Variants in PROM1 observed in about 807,000 individuals in gnomAD.
The protein encoded by PROM1 is prominin-1.
A neutral mutation model predicts 116.9 loss-of-function variants in PROM1; 105 were observed. The ratio of observed to expected loss-of-function variants is 0.90; its 90% CI spans 0.77 to 1.06. PROM1 has a LOEUF of 1.06. Ranked by LOEUF, PROM1 falls within the 50% of genes least tolerant of loss-of-function variation. PROM1 has a pLI of 0.00. For synonymous variants in PROM1, 393 were observed against 387.0 expected, an observed-to-expected ratio of 1.02 and a Z score of -0.18; for missense variants, 1,122 against 1,045.2, an observed-to-expected ratio of 1.07 and a Z score of -1.01.
At chr4:15,982,783 A>G (rs945758024) in intron 23 of PROM1, among the ~76,000 whole-genome samples, 2 of 152,228 alleles carry the variant, frequency 1.3e-5, no homozygotes, top group Admixed American at 6.5e-5. Flanking sequence ...GGGGCCACCA[A>G]GCACAGGACA....
chr4:16,033,400 T>C lies in PROM1; in HGVS notation c.413A>G (p.Lys138Arg), dbSNP rs1733202639. ...TCGCTGGTGCATTTCTCCACCACAT[T>C]TGTTACAGCAACGACACATACAAAA... ...YFFCMCRCCN[K>R]CGGEMHQRQK... Residue 138 changes from lysine (K) to arginine (R), a missense_variant, in exon 5 of 28, where the codon AAA (lysine) becomes AGA (arginine). Lys to Arg is a conservative substitution (Grantham distance 26). Transcript: ENST00000447510. 1.2e-6 allele frequency: 2 copies of C among 1,613,808 alleles called. No individual in the cohort carries two copies. Among genetic ancestry groups the C allele is most frequent in the African/African-American group, 2.7e-5 (2 of 74,972 alleles).
chr4:16,081,231 A>T (rs1356271155), intron 1 of PROM1, among the ~76,000 whole-genome samples: 1 of 151,942 alleles, frequency 6.6e-6, no homozygotes, highest in Non-Finnish European at 1.5e-5. Context: ...ACCTGACAAC[A>T]GGCCCCGGTG....
chr4:15,984,604 C>T (rs1415110555), intron 22 of PROM1, among the ~76,000 whole-genome samples: 1 of 152,124 alleles, frequency 6.6e-6, no homozygotes, highest in Non-Finnish European at 1.5e-5. Flanking sequence ...TTTACAGCTG[C>T]TCCTCATCTC....
At chr4:15,991,080 G>A (rs1303110745) in intron 18 of PROM1, 142 bp downstream of exon 18, 14 of 667,246 alleles carry the variant, frequency 2.1e-5, no homozygotes, top group South Asian at 1.6e-4. Flanking sequence ...GGACGGAAAC[G>A]TAATGACACA....
Position 16,018,532 on chromosome 4 carries a change from C to T in PROM1, c.793G>A (p.Glu265Lys). 1 of 1,606,738 alleles carries T rather than the reference C, an allele frequency of 6.2e-7. No individual in the cohort carries two copies. The highest frequency in any genetic ancestry group is 2.2e-5 in the East Asian group (1 of 44,706). Residue 265 changes from glutamate (E) to lysine (K), a missense_variant, in exon 9 of 28, where the codon GAG (glutamate) becomes AAG (lysine). Coordinates refer to ENST00000447510, the MANE Select transcript of PROM1 (RefSeq NM_006017.3). ...EIKSMATAIK[E>K]TKEALENMNS... ...ATGTTCTCCAACGCCTCTTTGGTCT[C>T]CTTGATCGCTATGGAAACACAGCCC... is the stretch of plus-strand genomic sequence containing the variant.
chr4:16,029,520 C>A (rs1264111794), intron 5 of PROM1, among the ~76,000 whole-genome samples: 1 of 152,264 alleles, frequency 6.6e-6, no homozygotes, highest in South Asian at 2.1e-4. Flanking sequence ...GTCAAACAGA[C>A]TGCATAAACA....
In PROM1 at chr4:16,018,560, T is replaced by A; in HGVS notation, c.785-20A>T. On this transcript the variant is annotated intron_variant, in intron 8 of 27. Transcript: ENST00000447510. ...TGATCGCTATGGAAACACAGCCCGC[T>A]TCAGAACACACATGCCAAGTCCCTC... 1 of 1,582,198 alleles carries A rather than the reference T, an allele frequency of 6.3e-7. No individual in the cohort carries two copies. The highest frequency in any genetic ancestry group is 8.6e-7 in the Non-Finnish European group (1 of 1,162,078).
At chr4:16,081,217 C>T (rs1016525992) in intron 1 of PROM1, among the ~76,000 whole-genome samples, 1 of 152,052 alleles carries the variant, frequency 6.6e-6, no homozygotes, top group African/African-American at 2.4e-5. Context: ...TCCCCACTCC[C>T]GCCACCTGAC....
intron 23 of PROM1, among the ~76,000 whole-genome samples, chr4:15,980,949 A>ATTTATTTATTTAT (rs1166321298): frequency 3.3e-5 from 5 of 149,422 alleles, no homozygotes; most frequent in African/African-American, 9.8e-5. Context: ...ATGAGTTGTT[A>ATTTATTTATTTAT]TTTATTTATT....
chr4:16,006,480 C>T lies in PROM1; in HGVS notation c.1454+58G>A, dbSNP rs558230244. ...CGGGTTCATGTAACACCAGAGTCAG[C>T]ACCCAGTCTCTCTCCTGCATTCCCA... is the stretch of plus-strand genomic sequence containing the variant. On this transcript the variant is annotated intron_variant, in intron 13 of 27. Transcript: ENST00000447510. 16 of 1,503,326 alleles carry T rather than the reference C, an allele frequency of 1.1e-5. No homozygotes were observed. The African/African-American group carries it at 2.2e-4, about 21-fold the overall frequency. 93.1% of individuals were successfully genotyped at this position (1,503,326 alleles called of 1,614,324 possible). A position where few individuals can be genotyped will look rare whatever the true frequency, so the allele number is the denominator to read the frequency against.
chr4:15,985,754 A>G lies in PROM1; in HGVS notation c.2280+6T>C. ...CCTTAACATTCATAAAAGATAAACT[A>G]CTTACAGAGAACTCGATCCACTGCA... On this transcript the variant is annotated splice_donor_region_variant and intron_variant, in intron 22 of 27. Transcript: ENST00000447510. The G allele has an allele frequency of 6.5e-7, 1 of 1,534,700 alleles. No homozygotes were observed. Among genetic ancestry groups the G allele is most frequent in the South Asian group, 1.1e-5 (1 of 87,648 alleles).
chr4:16,000,592 G>A lies in PROM1; in HGVS notation c.1482C>T (p.Cys494=). The change falls in exon 14 of 28, where the codon TGC becomes TGT. Residue 494 remains cysteine, a synonymous_variant. Coordinates refer to ENST00000447510, the MANE Select transcript of PROM1 (RefSeq NM_006017.3). ...MVGVGLSFLF[C]WILMIIVVLT... is the part of the protein sequence containing the mutation. ...GAACCACAATGATCATCAATATCCAGCAAAAGAGGAAACTTAATCCAACTC... is the reference window on the plus strand; with the variant it reads ...GAACCACAATGATCATCAATATCCAACAAAAGAGGAAACTTAATCCAACTC... 1.3e-6 allele frequency: 2 copies of A among 1,569,696 alleles called. No homozygotes were observed. Among genetic ancestry groups the A allele is most frequent in the East Asian group, 2.3e-5 (1 of 44,434 alleles).
chr4:15,993,854 T>C, intron 16 of PROM1, 133 bp downstream of exon 16: 1 of 1,447,112 alleles, frequency 6.9e-7, no homozygotes, highest in Middle Eastern at 2.5e-4. Flanking sequence ...GCCATGTAAA[T>C]ATACCAAACA....
At chr4:15,976,392 C>T (rs575939628) in intron 26 of PROM1, among the ~76,000 whole-genome samples, 4 of 152,314 alleles carry the variant, frequency 2.6e-5, no homozygotes, top group Admixed American at 6.5e-5. Context: ...AGGAGAGCTA[C>T]GACAACCTTC....
At chr4:15,973,484 A>G (rs994489333) in intron 26 of PROM1, among the ~76,000 whole-genome samples, 5 of 152,222 alleles carry the variant, frequency 3.3e-5, no homozygotes, top group African/African-American at 9.6e-5. Flanking sequence ...CAGAGCATGC[A>G]CAATGAACAC....
intron 8 of PROM1, 64 bp from the exon 9 acceptor site, chr4:16,018,604 T>G (rs536665313): frequency 8.3e-6 from 12 of 1,439,574 alleles, no homozygotes; most frequent in Non-Finnish European, 1.1e-5. Context: ...CAAAAGTGTG[T>G]CTAAAGGGAC....
At chr4:16,017,577 T>C (rs1418155922) in intron 9 of PROM1, among the ~76,000 whole-genome samples, 2 of 152,160 alleles carry the variant, frequency 1.3e-5, no homozygotes, top group Non-Finnish European at 2.9e-5. Flanking sequence ...TCCCAGAACT[T>C]TGGGAGGCTA....
At chr4:16,004,631 C>T (rs1724692939) in intron 13 of PROM1, among the ~76,000 whole-genome samples, 1 of 152,144 alleles carries the variant, frequency 6.6e-6, no homozygotes, top group Non-Finnish European at 1.5e-5. Context: ...ATCAATTAAA[C>T]ATTAAAAGTA....
chr4:15,979,227 C>G (rs1464468581), intron 26 of PROM1, among the ~76,000 whole-genome samples, 168 bp downstream of exon 26: 1 of 152,206 alleles, frequency 6.6e-6, no homozygotes, highest in Non-Finnish European at 1.5e-5. Flanking sequence ...CATTTAAACT[C>G]ATGGCATCAT....
Sources: allele counts gnomAD v4.1 joint callset (sites outside exome capture counted in the v4.1 genomes callset), GRCh38; gene constraint gnomAD v4.1.1; transcripts MANE v1.5; gene names NCBI Gene and HGNC (gene_info 2026-07-23, HGNC 2026-07-21).